Variants in ZNF529 observed in about 807,000 individuals in gnomAD.
ZNF529 encodes the protein zinc finger protein 529.
Under a neutral mutation model 10.1 loss-of-function variants are expected in ZNF529, and 11 were observed. That is an observed-to-expected ratio of 1.09 (90% CI 0.69 to 1.81). The LOEUF (loss-of-function observed/expected upper bound fraction) is 1.81. Ranked by LOEUF, ZNF529 falls within the 40% of genes most tolerant of loss-of-function variation. ZNF529 has a pLI of 0.00. For synonymous variants in ZNF529, 204 were observed against 215.7 expected, an observed-to-expected ratio of 0.95 and a Z score of 0.47; for missense variants, 624 against 666.8, an observed-to-expected ratio of 0.94 and a Z score of 0.71.
At chr19:36,573,777 G>T (rs1014330626), upstream of ZNF529, among the ~76,000 whole-genome samples, 2 of 152,220 alleles carry the variant, frequency 1.3e-5, no homozygotes, top group Non-Finnish European at 2.9e-5. Flanking sequence ...GCCGGGCTGG[G>T]AAGGCCTGAA....
At chr19:36,559,511 G>A (rs969311190) in intron 2 of ZNF529, among the ~76,000 whole-genome samples, 2 of 152,230 alleles carry the variant, frequency 1.3e-5, no homozygotes, top group African/African-American at 4.8e-5. Flanking sequence ...GTTTCACCAT[G>A]TTGGCCAGGC....
intron 2 of ZNF529, among the ~76,000 whole-genome samples, chr19:36,588,584 G>A (rs1438909996): frequency 6.6e-6 from 1 of 152,134 alleles, no homozygotes; most frequent in East Asian, 1.9e-4. Context: ...TTCTACCTCA[G>A]GAACATACTG....
intron 2 of ZNF529, among the ~76,000 whole-genome samples, chr19:36,565,198 C>T (rs1024182389): frequency 6.6e-6 from 1 of 152,062 alleles, no homozygotes; most frequent in African/African-American, 2.4e-5. Context: ...ATGCAATATA[C>T]TCATGTTAAC....
At position 36,547,117 on chromosome 19, in the gene ZNF529, T is replaced by C. The variant is rs2035057049; in HGVS notation, c.1441A>G (p.Lys481Glu). The change falls in exon 5 of 5, where the codon AAG (lysine) becomes GAG (glutamate). Residue 481 changes from lysine to glutamate, a missense_variant. Transcript: ENST00000591340. ...IHSGEKPYEC[K>E]VCGKAFRHSS... ...TGTCTAAAGGCCTTCCCACATACCT[T>C]ACATTCATAAGGTTTCTCACCACTA... The C allele has an allele frequency of 6.2e-7, 1 of 1,614,014 alleles. No homozygotes were observed. The highest frequency in any genetic ancestry group is 1.1e-5 in the South Asian group (1 of 91,078).
chr19:36,570,127 G>A (rs2036043996), intron 2 of ZNF529, among the ~76,000 whole-genome samples: 1 of 152,094 alleles, frequency 6.6e-6, no homozygotes, highest in Non-Finnish European at 1.5e-5. Flanking sequence ...TTGGGAGGCA[G>A]AGGCAGGTGG....
intron 2 of ZNF529, chr19:36,581,642 A>G (rs1455023465): frequency 6.6e-6 from 1 of 152,222 alleles, no homozygotes; most frequent in Non-Finnish European, 1.5e-5. Flanking sequence ...CTCCACATGG[A>G]TATGAGTTCA....
At chr19:36,553,271 G>A (rs1274033193) in intron 4 of ZNF529, among the ~76,000 whole-genome samples, 1 of 152,114 alleles carries the variant, frequency 6.6e-6, no homozygotes, top group Non-Finnish European at 1.5e-5. Flanking sequence ...GAGTAGCTGG[G>A]ACTACAGGCA....
intron 2 of ZNF529, among the ~76,000 whole-genome samples, chr19:36,565,212 C>T (rs981570635): frequency 6.6e-6 from 1 of 152,030 alleles, no homozygotes; most frequent in African/African-American, 2.4e-5. Context: ...TGTTAACCAA[C>T]CTGCAAATGT....
intron 4 of ZNF529, among the ~76,000 whole-genome samples, chr19:36,549,769 C>T (rs2035190267): frequency 6.6e-6 from 1 of 152,202 alleles, no homozygotes; most frequent in South Asian, 2.1e-4. Context: ...CCTCCTAAAA[C>T]CTTCCTCTAT....
At chr19:36,589,526 T>C (rs1388380811) in intron 2 of ZNF529, 1 of 152,196 alleles carries the variant, frequency 6.6e-6, no homozygotes, top group Non-Finnish European at 1.5e-5. Flanking sequence ...TGTTTTCCTC[T>C]GGTCAGTTTT....
intron 2 of ZNF529, among the ~76,000 whole-genome samples, chr19:36,556,918 A>C (rs2145810643): frequency 6.6e-6 from 1 of 152,310 alleles, no homozygotes. Flanking sequence ...AAAACTGAAA[A>C]TTTTGGTGAA....
intron 4 of ZNF529, among the ~76,000 whole-genome samples, chr19:36,554,391 A>G (rs576847804): frequency 4.6e-5 from 7 of 152,310 alleles, no homozygotes; most frequent in South Asian, 2.1e-4. Flanking sequence ...AGCCTGGCCA[A>G]CATGGTGAAA....
intron 2 of ZNF529, among the ~76,000 whole-genome samples, chr19:36,557,987 A>C (rs1023210046): frequency 4.0e-5 from 6 of 151,710 alleles, no homozygotes; most frequent in Non-Finnish European, 5.9e-5. Context: ...CAGAGATAAA[A>C]ATTATTAAAA....
At chr19:36,550,350 C>G (rs2035213134) in intron 4 of ZNF529, among the ~76,000 whole-genome samples, 1 of 152,108 alleles carries the variant, frequency 6.6e-6, no homozygotes, top group African/African-American at 2.4e-5. Context: ...TGAGAACAGC[C>G]TGGCCAACAT....
intron 2 of ZNF529, among the ~76,000 whole-genome samples, chr19:36,585,105 A>G (rs1428877700): frequency 6.6e-6 from 1 of 152,210 alleles, no homozygotes; most frequent in Non-Finnish European, 1.5e-5. Flanking sequence ...TAAGTCAATC[A>G]GGTTGCTGTG....
At chr19:36,591,746 A>G in intron 1 of ZNF529, among the ~76,000 whole-genome samples, 2 of 152,106 alleles carry the variant, frequency 1.3e-5, no homozygotes, top group Middle Eastern at 3.4e-3. Flanking sequence ...AGGAAATTTA[A>G]TTTATTACAT....
chr19:36,586,064 C>G lies in ZNF529; in HGVS notation c.-41+3551G>C, dbSNP rs74445629. On this transcript the variant is annotated intron_variant, in intron 2 of 4. Coordinates refer to the ZNF529 transcript ENST00000585960. ...GAGTGTCCAGTGTGGAACACGAAAT[C>G]CCATCCTGACTATAAAACATTATAT... Among the ~76,000 whole-genome samples, 839 of 152,262 alleles carry G rather than the reference C, an allele frequency of 5.5e-3. 23 individuals are homozygous for G. The highest frequency in any genetic ancestry group is 0.037 in the Admixed American group (569 of 15,286).
chr19:36,572,402 C>G lies in ZNF529; in HGVS notation c.-46-10G>C, dbSNP rs2036155051. 6.5e-7 allele frequency: 1 copy of G among 1,546,318 alleles called. No individual in the cohort carries two copies. On this transcript the variant is annotated splice_polypyrimidine_tract_variant and intron_variant, in intron 1 of 4. Coordinates refer to ENST00000591340, the MANE Select transcript of ZNF529 (RefSeq NM_020951.5). ...GCCTTCACTTGCAGAACTACATAAC[C>G]AAGAGGGAGAAAGGACTCATGACAT...
chr19:36,575,617 T>C (rs140199306), upstream of ZNF529, among the ~76,000 whole-genome samples: 382 of 152,260 alleles, frequency 2.5e-3, 1 homozygote, highest in African/African-American at 8.6e-3. Flanking sequence ...TTAAAATATT[T>C]ACTGTAAAAA....
Sources: gnomAD v4.1 joint callset for allele counts (sites outside exome capture counted in the v4.1 genomes callset) on GRCh38, gnomAD v4.1.1 for gene constraint, MANE v1.5 for transcripts, NCBI Gene and HGNC (gene_info 2026-07-23, HGNC 2026-07-21) for gene names.